DLGAP1: variants seen among roughly 807,000 people sequenced by gnomAD.
DLGAP1 encodes the protein DLG associated protein 1, also known as disks large-associated protein 1.
Under a neutral mutation model 90.8 loss-of-function variants are expected in DLGAP1, and 11 were observed. The observed-to-expected ratio is 0.12, with a 90% confidence interval of 0.08 to 0.20. DLGAP1 has a LOEUF of 0.20. Ranked by LOEUF, DLGAP1 falls within the 10% of genes least tolerant of loss-of-function variation. The pLI is 1.00. For synonymous variants in DLGAP1, 558 were observed against 540.7 expected (o/e 1.03, Z -0.44); for missense variants, 1,050 against 1,333.8 (o/e 0.79, Z 3.31).
At chr18:3,874,282 GCTCTCTCTCTCGCTCCCTCTGT>G (rs1253910984) in intron 4 of DLGAP1, 1 of 1,548,330 alleles carries the variant, frequency 6.5e-7, no homozygotes, top group Non-Finnish European at 8.7e-7. Flanking sequence ...GGTCTGTCTT[GCTCTCTCTCTCGCTCCCTCTGT>G]CTCTCTCTCT....
At chr18:4,069,737 A>C (rs12967671) in intron 2 of DLGAP1, among the ~76,000 whole-genome samples, 18,440 of 152,164 alleles carry the variant, frequency 0.12, 1,181 homozygotes, top group Non-Finnish European at 0.15. Context: ...TGAGCCAATT[A>C]AACCTCTTTT....
At chr18:4,442,325 C>A (rs1417459876) in intron 1 of DLGAP1, among the ~76,000 whole-genome samples, 1 of 152,120 alleles carries the variant, frequency 6.6e-6, no homozygotes, top group African/African-American at 2.4e-5. Context: ...ATAGGATGAG[C>A]ATGAGGTTAA....
In DLGAP1 at chr18:3,497,410, G is replaced by A. The variant is rs1363768367; in HGVS notation, c.*1775C>T. 1 of 152,120 alleles carries A rather than the reference G, an allele frequency of 6.6e-6. No homozygotes were observed. The highest frequency in any genetic ancestry group is 1.5e-5 in the Non-Finnish European group (1 of 68,020). The allele number at this position is 152,120 out of a possible 1,614,324, so 9.4% of individuals were successfully genotyped here. A position where few individuals can be genotyped will look rare whatever the true frequency, so the allele number is the denominator to read the frequency against. On this transcript the variant is annotated 3_prime_UTR_variant, in exon 13 of 13. Transcript: ENST00000315677. ...GTAAACCACAGCAGTAAACATTTGT[G>A]CCCTGTTTATAAAGGTAGCTCAAAG...
chr18:3,516,474 T>C (rs2050854930), intron 10 of DLGAP1, among the ~76,000 whole-genome samples: 1 of 152,152 alleles, frequency 6.6e-6, no homozygotes, highest in Non-Finnish European at 1.5e-5. Flanking sequence ...TATAGCCTTA[T>C]GGAATGTATT....
chr18:4,252,063 AAG>A (rs1199555067), intron 1 of DLGAP1, among the ~76,000 whole-genome samples: 3 of 152,196 alleles, frequency 2.0e-5, no homozygotes, highest in Non-Finnish European at 4.4e-5. Context: ...TGCCACCAAA[AAG>A]AGTGTGGCCC....
At chr18:3,540,961 C>G (rs537204479) in intron 9 of DLGAP1, among the ~76,000 whole-genome samples, 1 of 152,260 alleles carries the variant, frequency 6.6e-6, no homozygotes, top group South Asian at 2.1e-4. Flanking sequence ...GTGCTAATAC[C>G]TTTGATGGGC....
intron 7 of DLGAP1, among the ~76,000 whole-genome samples, chr18:3,712,878 A>G (rs2061640869): frequency 6.6e-6 from 1 of 152,248 alleles, no homozygotes; most frequent in Admixed American, 6.5e-5. Context: ...TAACTGACTT[A>G]CCCAGTTGGA....
chr18:3,763,667 T>A (rs1333640628), intron 5 of DLGAP1, among the ~76,000 whole-genome samples: 3 of 152,192 alleles, frequency 2.0e-5, no homozygotes, highest in Non-Finnish European at 2.9e-5. Context: ...ATCTTTTTTT[T>A]TTCTTTTTTT....
intron 2 of DLGAP1, among the ~76,000 whole-genome samples, chr18:4,008,253 A>ACT (rs1212443675): frequency 6.8e-6 from 1 of 146,796 alleles, no homozygotes; most frequent in Non-Finnish European, 1.5e-5. Context: ...ACACACACTC[A>ACT]CACACACATA....
intron 5 of DLGAP1, among the ~76,000 whole-genome samples, chr18:3,793,428 T>A (rs1331739616): frequency 1.3e-5 from 2 of 152,168 alleles, no homozygotes; most frequent in Admixed American, 1.3e-4. Flanking sequence ...GTGCTGCTCC[T>A]CCACCCAAGG....
At chr18:4,313,746 T>C (rs968114144) in intron 1 of DLGAP1, among the ~76,000 whole-genome samples, 1 of 152,188 alleles carries the variant, frequency 6.6e-6, no homozygotes, top group Non-Finnish European at 1.5e-5. Flanking sequence ...TGAAAAAGAA[T>C]AGATAACAAG....
chr18:3,889,465 CTCTT>C (rs1192487745), intron 3 of DLGAP1, among the ~76,000 whole-genome samples: 3 of 152,070 alleles, frequency 2.0e-5, no homozygotes, highest in African/African-American at 7.2e-5. Flanking sequence ...CTTATAAAGT[CTCTT>C]TCTTTAAAAG....
At chr18:3,583,187 T>TACCC (rs1568241051) in intron 7 of DLGAP1, among the ~76,000 whole-genome samples, 1 of 124,054 alleles carries the variant, frequency 8.1e-6, no homozygotes, top group South Asian at 2.9e-4. Context: ...CCTACCTACC[T>TACCC]TCCTTCCTTC....
At chr18:3,514,303 T>C (rs1041913755) in intron 10 of DLGAP1, among the ~76,000 whole-genome samples, 6 of 152,138 alleles carry the variant, frequency 3.9e-5, no homozygotes, top group Non-Finnish European at 5.9e-5. Context: ...TACATGATGC[T>C]ACACCTAACT....
intron 7 of DLGAP1, among the ~76,000 whole-genome samples, chr18:3,709,870 G>A (rs142338114): frequency 6.5e-4 from 99 of 152,248 alleles, no homozygotes; most frequent in African/African-American, 2.3e-3. Context: ...ATTAGAAGTA[G>A]ACAGCATGGG....
chr18:4,159,029 T>C (rs1598506750), intron 1 of DLGAP1, among the ~76,000 whole-genome samples: 2 of 152,178 alleles, frequency 1.3e-5, no homozygotes, highest in Non-Finnish European at 2.9e-5. Context: ...GAAAACTTCA[T>C]ATTACTTTCT....
intron 7 of DLGAP1, chr18:3,708,416 C>A (rs1009848962): frequency 2.2e-6 from 1 of 456,596 alleles, no homozygotes; most frequent in East Asian, 7.0e-5. Context: ...GTGATCTTTA[C>A]CCATTTTGCC....
chr18:3,689,390 C>T (rs774427084), intron 7 of DLGAP1, among the ~76,000 whole-genome samples: 1 of 152,176 alleles, frequency 6.6e-6, no homozygotes, highest in Non-Finnish European at 1.5e-5. Flanking sequence ...ATTTTAGATA[C>T]CCCATCATCC....
chr18:3,591,664 C>T (rs558602157), intron 7 of DLGAP1, among the ~76,000 whole-genome samples: 2 of 152,006 alleles, frequency 1.3e-5, no homozygotes, highest in African/African-American at 4.8e-5. Context: ...GATCACACCA[C>T]TCCAGCCTGG....
Sources: allele counts gnomAD v4.1 joint callset (sites outside exome capture counted in the v4.1 genomes callset), GRCh38; gene constraint gnomAD v4.1.1; transcripts MANE v1.5; gene names NCBI Gene and HGNC (gene_info 2026-07-23, HGNC 2026-07-21).